Variants in CETP observed in about 807,000 individuals in gnomAD.
CETP encodes the protein cholesteryl ester transfer protein.
A neutral mutation model predicts 66.5 loss-of-function variants in CETP; 56 were observed. That is an observed-to-expected ratio of 0.84 (90% CI 0.68 to 1.05). CETP has a LOEUF of 1.05. CETP is among the 50% of genes least tolerant of loss of function. The probability of loss-of-function intolerance (pLI) is 0.00; values close to 1 mark genes in which losing one functional copy is unlikely to be tolerated. For missense variants in CETP, 612 were observed against 609.6 expected (o/e 1.00, Z -0.04); for synonymous variants, 251 against 245.7 (o/e 1.02, Z -0.20).
intron 9 of CETP, among the ~76,000 whole-genome samples, chr16:56,974,561 G>T (rs572083737): frequency 6.6e-6 from 1 of 152,202 alleles, no homozygotes; most frequent in African/African-American, 2.4e-5. Context: ...AACTTGGCAC[G>T]TAGTAACTGT....
In CETP at chr16:56,983,619, G is replaced by A; in HGVS notation, c.1435G>A (p.Gly479Ser). 3.7e-6 allele frequency: 6 copies of A among 1,614,150 alleles called. No individual in the cohort carries two copies. The highest frequency in any genetic ancestry group is 4.2e-6 in the Non-Finnish European group (5 of 1,180,022). The change falls in exon 16 of 16, where the codon GGC becomes AGC. Residue 479 changes from glycine to serine, a missense_variant. Gly to Ser is a moderately conservative substitution (Grantham distance 56). Transcript: ENST00000200676. ...DGFLLLQMDF[G>S]FPEHLLVDFL... is the part of the protein sequence containing the mutation. ...CTTCCTGCTGCTGCAGATGGACTTT[G>A]GCTTCCCTGAGCACCTGCTGGTGGA...
chr16:56,962,993 A>G lies in CETP; in HGVS notation c.119-17A>G. 6.2e-7 allele frequency: 1 copy of G among 1,610,622 alleles called. No homozygotes were observed. Among genetic ancestry groups the G allele is most frequent in the Non-Finnish European group, 8.5e-7 (1 of 1,176,874 alleles). ...GGTGTGGGCCTGCAGCCCCTCATCC[A>G]CTGCCCTCCCCTCTAGTGAACCACG... On this transcript the variant is annotated splice_polypyrimidine_tract_variant and intron_variant, in intron 1 of 15. Coordinates refer to ENST00000200676, the MANE Select transcript of CETP (RefSeq NM_000078.3).
At chr16:56,974,249 G>A (rs12720892) in intron 9 of CETP, among the ~76,000 whole-genome samples, 1,752 of 152,256 alleles carry the variant, frequency 0.012, 27 homozygotes, top group African/African-American at 0.041. Flanking sequence ...GACCAGCCTG[G>A]GCAACATGGG....
intron 2 of CETP, among the ~76,000 whole-genome samples, chr16:56,966,599 G>GT (rs1165385772): frequency 4.6e-5 from 7 of 151,908 alleles, no homozygotes; most frequent in South Asian, 4.2e-4. Context: ...GGGTTTTTTT[G>GT]TTTTTTTGTT....
intron 10 of CETP, among the ~76,000 whole-genome samples, chr16:56,976,077 C>T (rs1408060328): frequency 6.6e-6 from 1 of 152,204 alleles, no homozygotes; most frequent in African/African-American, 2.4e-5. Flanking sequence ...ACCGGCTCTT[C>T]TCCCTTAGCC....
rs780715695 is a variant in CETP at position 56,971,388 on chromosome 16, G to A, written c.658+7G>A. 75 of 1,613,620 alleles carry A rather than the reference G, an allele frequency of 4.6e-5. No individual in the cohort carries two copies. Among genetic ancestry groups the A allele is most frequent in the Admixed American group, 1.5e-4 (9 of 60,008 alleles). ...TTTGTCCAGACAAGGGCTGGTGAGTGCGTTTCTGTCTGCATGCCTCAGAAG... is the reference window on the plus strand; with the variant it reads ...TTTGTCCAGACAAGGGCTGGTGAGTACGTTTCTGTCTGCATGCCTCAGAAG... On this transcript the variant is annotated splice_region_variant and intron_variant, in intron 7 of 15. Coordinates refer to ENST00000200676, the MANE Select transcript of CETP (RefSeq NM_000078.3).
intron 8 of CETP, 61 bp downstream of exon 8, chr16:56,972,144 G>T (rs1351219602): frequency 5.3e-6 from 7 of 1,321,594 alleles, no homozygotes; most frequent in Non-Finnish European, 7.6e-6. Flanking sequence ...GTCCTTTTTT[G>T]TGCTCTGACA....
At chr16:56,977,307 G>A (rs573410990) in intron 10 of CETP, among the ~76,000 whole-genome samples, 1 of 152,136 alleles carries the variant, frequency 6.6e-6, no homozygotes, top group South Asian at 2.1e-4. Flanking sequence ...TGATCTCCTT[G>A]AGCCCAGTCC....
At chr16:56,966,688 C>T (rs1240287641) in intron 2 of CETP, among the ~76,000 whole-genome samples, 1 of 152,012 alleles carries the variant, frequency 6.6e-6, no homozygotes, top group Non-Finnish European at 1.5e-5. Context: ...CAACTTCTGC[C>T]TCCTGGGTTC....
At chr16:56,974,596 A>C (rs289715) in intron 9 of CETP, among the ~76,000 whole-genome samples, 2 of 152,166 alleles carry the variant, frequency 1.3e-5, no homozygotes, top group Admixed American at 6.5e-5. Flanking sequence ...TTGATATTAG[A>C]CTTACATTTA....
In CETP at chr16:56,962,085, G is replaced by A. The variant is rs1365954946; in HGVS notation, c.106G>A (p.Ala36Thr). ...CATCGTGTGCCGCATCACCAAGCCT[G>A]CCCTCCTGGTGTGTAAGTATCAGTG... The part of the protein sequence containing the change: ...AGIVCRITKP[A>T]LLVLNHETAK... The change falls in exon 1 of 16, where the codon GCC (alanine) becomes ACC (threonine). Residue 36 changes from alanine to threonine, a missense_variant. Physicochemically the swap from Ala to Thr is moderately conservative, Grantham distance 58. Coordinates refer to ENST00000200676, the MANE Select transcript of CETP (RefSeq NM_000078.3). 7.4e-6 allele frequency: 12 copies of A among 1,613,688 alleles called. No individual in the cohort carries two copies. In the East Asian group the frequency reaches 1.6e-4, roughly 21 times the overall value.
intron 9 of CETP, among the ~76,000 whole-genome samples, chr16:56,974,347 G>A (rs1278072915): frequency 6.6e-6 from 1 of 152,194 alleles, no homozygotes; most frequent in Non-Finnish European, 1.5e-5. Context: ...TACTCAGGTG[G>A]CTGAGGAGGG....
In CETP at chr16:56,981,661, C is replaced by T; in HGVS notation, c.1229C>T (p.Thr410Ile). The change falls in exon 13 of 16, where the codon ACT becomes ATT. Residue 410 changes from threonine to isoleucine, a missense_variant. Transcript: ENST00000200676. ...SLLDFQITPK[T>I]VSNLTESSSE... ...TTTTATTTCAGGATTACACCAAAGACTGTTTCCAACTTGACTGAGGTAGGT... is the reference window on the plus strand; with the variant it reads ...TTTTATTTCAGGATTACACCAAAGATTGTTTCCAACTTGACTGAGGTAGGT... The T allele has an allele frequency of 6.2e-7, 1 of 1,613,972 alleles. No individual in the cohort carries two copies. The highest frequency in any genetic ancestry group is 8.5e-7 in the Non-Finnish European group (1 of 1,179,838).
intron 2 of CETP, among the ~76,000 whole-genome samples, chr16:56,966,761 G>A (rs1397660443): frequency 3.6e-5 from 5 of 139,878 alleles, no homozygotes; most frequent in East Asian, 2.1e-4. Context: ...CACCACTCCC[G>A]GCTAATCTTT....
chr16:56,978,428 C>T (rs1169349147), intron 11 of CETP, among the ~76,000 whole-genome samples, 173 bp downstream of exon 11: 6 of 152,122 alleles, frequency 3.9e-5, no homozygotes, highest in African/African-American at 1.2e-4. Context: ...ATGCAAGTAA[C>T]GAGGGGGTAC....
chr16:56,967,786 AC>A lies in CETP; in HGVS notation c.234-1593del, dbSNP rs377699528. Among the ~76,000 whole-genome samples the A allele has an allele frequency of 4.6e-5, 7 of 151,528 alleles. No homozygotes were observed. The East Asian group carries it at 1.2e-3, about 25-fold the overall frequency. ...TGTGGAGTCTGGTCAACATAGTGAG[AC>A]CCCCCCAATCTGCACAAAAAAGACA... is the stretch of plus-strand genomic sequence containing the variant. On this transcript the variant is annotated intron_variant, in intron 2 of 15. Transcript: ENST00000200676.
rs1414921403 is a variant in CETP at position 56,962,924 on chromosome 16, C to T, written c.119-86C>T. The T allele has an allele frequency of 4.2e-6, 5 of 1,177,468 alleles. No homozygotes were observed. The African/African-American group carries it at 7.5e-5, about 18-fold the overall frequency. The allele number at this position is 1,177,468 out of a possible 1,614,324, so 72.9% of individuals were successfully genotyped here. On this transcript the variant is annotated intron_variant, in intron 1 of 15. Transcript: ENST00000200676. ...TGCTGGGAGCCTCATCTCAGAGAGG[C>T]TGAGTCATGGCCAAGGCCAGTTGGG... is the stretch of plus-strand genomic sequence containing the variant.
Position 56,972,062 on chromosome 16 carries a change from C to T in CETP, c.729C>T (p.Ser243=). The T allele has an allele frequency of 6.2e-7, 1 of 1,614,072 alleles. No homozygotes were observed. The highest frequency in any genetic ancestry group is 8.5e-7 in the Non-Finnish European group (1 of 1,179,910). ...CAGGTGATCCCGTCATCACAGCCTC[C>T]TACCTGGAGTCCCATCACAAGGTAG... ...SLTGDPVITA[S]YLESHHKGHF... Residue 243 remains serine, a synonymous_variant, in exon 8 of 16, where the codon TCC becomes TCT. Transcript: ENST00000200676.
chr16:56,974,064 G>T (rs1325146958), intron 9 of CETP, among the ~76,000 whole-genome samples: 1 of 152,220 alleles, frequency 6.6e-6, no homozygotes, highest in Non-Finnish European at 1.5e-5. Flanking sequence ...GGTAGGCCCA[G>T]GCCTGGTTTC....
Sources: allele counts gnomAD v4.1 joint callset (sites outside exome capture counted in the v4.1 genomes callset), GRCh38; gene constraint gnomAD v4.1.1; transcripts MANE v1.5; gene names NCBI Gene and HGNC (gene_info 2026-07-23, HGNC 2026-07-21).